Variants in C3orf20 observed in about 807,000 individuals in gnomAD.
C3orf20 encodes uncharacterized protein C3orf20.
A neutral mutation model predicts 88.3 loss-of-function variants in C3orf20; 76 were observed. That is an observed-to-expected ratio of 0.86 (90% CI 0.72 to 1.04). The LOEUF is 1.04. Ranked by LOEUF, C3orf20 falls within the 50% of genes least tolerant of loss-of-function variation. The probability of loss-of-function intolerance (pLI) is 0.00; values close to 1 mark genes in which losing one functional copy is unlikely to be tolerated. For missense variants in C3orf20, 1,056 were observed against 1,123.3 expected (o/e 0.94, Z 0.86); for synonymous variants, 436 against 437.4 (o/e 1.00, Z 0.04).
chr3:14,689,966 G>A (rs764669177), intron 4 of C3orf20, 31 bp from the exon 5 acceptor site: 4 of 1,613,536 alleles, frequency 2.5e-6, no homozygotes, highest in South Asian at 1.1e-5. Flanking sequence ...GTAAACAGTT[G>A]AAAGAAGAAT....
chr3:14,752,051 T>C (rs973375010), intron 12 of C3orf20, among the ~76,000 whole-genome samples: 19 of 152,126 alleles, frequency 1.2e-4, no homozygotes, highest in African/African-American at 4.3e-4. Flanking sequence ...AGAACAAAGC[T>C]GGAGGAATCA....
chr3:14,703,398 G>A, intron 6 of C3orf20, 136 bp downstream of exon 6: 2 of 1,417,880 alleles, frequency 1.4e-6, no homozygotes, highest in Admixed American at 2.0e-5. Context: ...CGTGGGTTAT[G>A]TGGTACTCCC....
In C3orf20 at chr3:14,701,968, T is replaced by C. The variant is rs963659172; in HGVS notation, c.746-1162T>C. The stretch of plus-strand genomic sequence containing the variant: ...AATGATACCCCCAATATTCTGACAT[T>C]TAAAGGATGCTGCTCTCCTGCTCTT... On this transcript the variant is annotated intron_variant, in intron 5 of 16. Coordinates refer to ENST00000253697, the MANE Select transcript of C3orf20 (RefSeq NM_032137.5). This position sits in a 1 kb window ranked among gnomAD's most constrained non-coding sequence, Gnocchi z 4.6. 6.6e-6 allele frequency among the ~76,000 whole-genome samples: 1 copy of C among 152,128 alleles called. No homozygotes were observed. The highest frequency in any genetic ancestry group is 1.9e-4 in the East Asian group (1 of 5,188).
chr3:14,699,103 G>C (rs1169509215), intron 5 of C3orf20, among the ~76,000 whole-genome samples: 1 of 152,048 alleles, frequency 6.6e-6, no homozygotes, highest in Non-Finnish European at 1.5e-5. Context: ...GTTCACTTAA[G>C]GTCCAAGGAC....
chr3:14,729,746 A>G (rs1575133694), intron 12 of C3orf20, among the ~76,000 whole-genome samples: 1 of 152,278 alleles, frequency 6.6e-6, no homozygotes, highest in African/African-American at 2.4e-5. Flanking sequence ...GGGTTTTGCC[A>G]TGTTGGCCAG....
intron 12 of C3orf20, among the ~76,000 whole-genome samples, chr3:14,740,456 A>G (rs891326081): frequency 2.6e-5 from 4 of 152,228 alleles, no homozygotes; most frequent in Non-Finnish European, 4.4e-5. Context: ...ACAGATTACC[A>G]TAAGAGATAT....
At chr3:14,726,816 C>T (rs772258128) in intron 10 of C3orf20, 85 bp from the exon 11 acceptor site, 60 of 1,582,688 alleles carry the variant, frequency 3.8e-5, no homozygotes, top group Middle Eastern at 4.5e-4. Context: ...TCCTCTGAAC[C>T]GGAGCAAGTC....
chr3:14,765,127 C>T (rs967716900), intron 15 of C3orf20: 20 of 152,330 alleles, frequency 1.3e-4, no homozygotes, highest in African/African-American at 2.9e-4. Context: ...CTTCTGCAGC[C>T]ACACCCCAGT....
chr3:14,685,459 T>TC (rs2032348266), intron 4 of C3orf20, among the ~76,000 whole-genome samples: 1 of 59,756 alleles, frequency 1.7e-5, no homozygotes, highest in Non-Finnish European at 3.6e-5. Context: ...TCTCTCTCTG[T>TC]TTCTCTCTCT....
chr3:14,754,493 T>C (rs2035306513), intron 12 of C3orf20, among the ~76,000 whole-genome samples: 1 of 152,246 alleles, frequency 6.6e-6, no homozygotes, highest in Non-Finnish European at 1.5e-5. Context: ...CTTAAAATGC[T>C]ACAATGCTCT....
chr3:14,760,440 G>A (rs1289264165), intron 14 of C3orf20, among the ~76,000 whole-genome samples: 2 of 152,120 alleles, frequency 1.3e-5, no homozygotes, highest in African/African-American at 4.8e-5. Flanking sequence ...CCTGGCACCT[G>A]CAAGGGCCAC....
At chr3:14,730,450 G>A (rs2034503437) in intron 12 of C3orf20, among the ~76,000 whole-genome samples, 1 of 152,092 alleles carries the variant, frequency 6.6e-6, no homozygotes, top group Non-Finnish European at 1.5e-5. Flanking sequence ...GGGAGGCTGA[G>A]GCAGGAGAAT....
intron 1 of C3orf20, among the ~76,000 whole-genome samples, chr3:14,678,374 C>A (rs2031898291): frequency 6.6e-6 from 1 of 152,204 alleles, no homozygotes; most frequent in South Asian, 2.1e-4. Flanking sequence ...GACGTGAGAA[C>A]CTTAACTCTT....
rs772866418 is a variant in C3orf20 at position 14,772,606 on chromosome 3, A to C, written c.2631-185A>C. Among the ~76,000 whole-genome samples the C allele has an allele frequency of 2.0e-5, 3 of 152,230 alleles. No individual in the cohort carries two copies. Among genetic ancestry groups the C allele is most frequent in the Non-Finnish European group, 4.4e-5 (3 of 68,048 alleles). On this transcript the variant is annotated intron_variant, in intron 16 of 16. Coordinates refer to ENST00000253697, the MANE Select transcript of C3orf20 (RefSeq NM_032137.5). This position sits in a 1 kb window ranked among gnomAD's most constrained non-coding sequence, Gnocchi z 4.2. ...ATCACATATTTCTCATGAAGATAGA[A>C]AAGCAAAATTAGGAGCATGTAGAAA...
chr3:14,708,686 C>G (rs965850879), intron 7 of C3orf20, among the ~76,000 whole-genome samples: 1 of 152,040 alleles, frequency 6.6e-6, no homozygotes, highest in Non-Finnish European at 1.5e-5. Context: ...CTCTGTCACC[C>G]AGGCCAGAGT....
chr3:14,759,308 G>A (rs1003415902), intron 13 of C3orf20, among the ~76,000 whole-genome samples: 10 of 152,222 alleles, frequency 6.6e-5, no homozygotes, highest in African/African-American at 2.4e-4. Context: ...TGGGAAGACA[G>A]CACATTGGCT....
chr3:14,700,801 C>T (rs2033229636), intron 5 of C3orf20, among the ~76,000 whole-genome samples: 1 of 152,214 alleles, frequency 6.6e-6, no homozygotes, highest in African/African-American at 2.4e-5. Context: ...TGAATGATGC[C>T]TGGTTTTGCT....
At chr3:14,743,759 G>A (rs115218644) in intron 12 of C3orf20, among the ~76,000 whole-genome samples, 1,756 of 152,130 alleles carry the variant, frequency 0.012, 30 homozygotes, top group Middle Eastern at 0.02. Context: ...AACTCCTTGT[G>A]GAAGCTGCCA....
chr3:14,694,183 G>A lies in C3orf20; in HGVS notation c.745+4067G>A, dbSNP rs534757532. On this transcript the variant is annotated intron_variant, in intron 5 of 16. Transcript: ENST00000253697. ...TTTGATGTGTCTTTGTCTGGTTTTG[G>A]TATCAGAGTAATATTGGCATCATAG... Among the ~76,000 whole-genome samples the A allele has an allele frequency of 5.3e-5, 8 of 152,228 alleles. No homozygotes were observed. The South Asian group carries it at 1.7e-3, about 32-fold the overall frequency.
Sources: allele counts gnomAD v4.1 joint callset (sites outside exome capture counted in the v4.1 genomes callset), GRCh38; gene constraint gnomAD v4.1.1; non-coding constraint Gnocchi (gnomAD v3.1); transcripts MANE v1.5; gene names NCBI Gene and HGNC (gene_info 2026-07-23, HGNC 2026-07-21).